Variants in LMO7 observed in about 807,000 individuals in gnomAD.
The protein encoded by LMO7 is LIM domain only protein 7.
Under a neutral mutation model 206.5 loss-of-function variants are expected in LMO7, and 120 were observed. That is an observed-to-expected ratio of 0.58 (90% CI 0.50 to 0.68). LMO7 has a LOEUF of 0.68. LMO7 is among the 30% of genes least tolerant of loss of function. LMO7 has a pLI of 0.00. For missense variants in LMO7, 1,959 were observed against 1,957.9 expected, an observed-to-expected ratio of 1.00 and a Z score of -0.01; for synonymous variants, 706 against 681.5, an observed-to-expected ratio of 1.04 and a Z score of -0.56.
intron 1 of LMO7, chr13:75,623,266 C>T (rs766342996): frequency 5.8e-6 from 8 of 1,368,500 alleles, no homozygotes; most frequent in Middle Eastern, 3.6e-4. Context: ...TGACTTTTTA[C>T]ACAGATATAA....
At chr13:75,636,211 G>A (rs1365712530), upstream of LMO7, 3 of 817,964 alleles carry the variant, frequency 3.7e-6, no homozygotes, top group East Asian at 1.3e-4. Context: ...GGGAGCCCGG[G>A]GAGCCAAGGG....
intron 4 of LMO7, among the ~76,000 whole-genome samples, chr13:75,786,017 G>A (rs907738687): frequency 6.6e-6 from 1 of 152,124 alleles, no homozygotes; most frequent in Admixed American, 6.5e-5. Flanking sequence ...GAAGTCACTA[G>A]TAATTTAGTA....
In LMO7 at chr13:75,841,645, C is replaced by A. The variant is rs762505045; in HGVS notation, c.3693C>A (p.Ser1231Arg). The A allele has an allele frequency of 6.2e-7, 1 of 1,612,404 alleles. No individual in the cohort carries two copies. The highest frequency in any genetic ancestry group is 1.1e-5 in the South Asian group (1 of 90,980). ...KYLDEELMVL[S>R]SNSMSLTTRE... ...TCACCTAGGAACTGATGGTCCTAAG[C>A]TCAAACAGCATGTCTCTGACCACAC... is the stretch of plus-strand genomic sequence containing the variant. The change falls in exon 24 of 31, where the codon AGC becomes AGA. Residue 1231 changes from serine (S) to arginine (R), a missense_variant. Transcript: ENST00000377534.
Position 75,720,302 on chromosome 13 carries a change from A to C in LMO7, c.141-6727A>C, listed in dbSNP as rs188338023. On this transcript the variant is annotated intron_variant, in intron 2 of 30. Coordinates refer to ENST00000377534, the MANE Select transcript of LMO7 (RefSeq NM_001306080.2). ...TGGCTTGTCTTTTTATTCCCTTGAC[A>C]GTGTCTTTCACAAAGCAGATATTTT... is the stretch of plus-strand genomic sequence containing the variant. Among the ~76,000 whole-genome samples the C allele has an allele frequency of 2.7e-3, 412 of 152,214 alleles. 3 individuals are homozygous for C. Among genetic ancestry groups the C allele is most frequent in the African/African-American group, 9.7e-3 (404 of 41,538 alleles).
At chr13:75,805,965 TA>T in intron 9 of LMO7, 1 of 1,132,002 alleles carries the variant, frequency 8.8e-7, no homozygotes, top group Non-Finnish European at 1.2e-6. Context: ...GTTCTATACA[TA>T]GTCATAGCAC....
chr13:75,738,113 G>T (rs1318231503), intron 3 of LMO7, among the ~76,000 whole-genome samples: 1 of 152,008 alleles, frequency 6.6e-6, no homozygotes, highest in Non-Finnish European at 1.5e-5. Flanking sequence ...AGGTTGACGT[G>T]GGTACTGTGA....
chr13:75,688,562 C>T (rs1162214320), intron 1 of LMO7: 2 of 152,318 alleles, frequency 1.3e-5, no homozygotes, highest in Non-Finnish European at 2.9e-5. Flanking sequence ...TATATATATC[C>T]CATGTTGTTT....
At position 75,796,754 on chromosome 13, in the gene LMO7, G is replaced by C. The variant is rs1428642313; in HGVS notation, c.462+5G>C. ...TTAGGACAAGCACTGACGAAGGTAA[G>C]TAAACTACATCTGTGTGAGATTACT... On this transcript the variant is annotated splice_donor_5th_base_variant and intron_variant, in intron 6 of 30. Coordinates refer to ENST00000377534, the MANE Select transcript of LMO7 (RefSeq NM_001306080.2). 1 of 1,512,996 alleles carries C rather than the reference G, an allele frequency of 6.6e-7. No individual in the cohort carries two copies. Among genetic ancestry groups the C allele is most frequent in the African/African-American group, 1.4e-5 (1 of 72,678 alleles). The allele number at this position is 1,512,996 out of a possible 1,614,324, so 93.7% of individuals were successfully genotyped here.
At position 75,681,718 on chromosome 13, in the gene LMO7, GTATA is replaced by G. The variant is rs71127572; in HGVS notation, c.70-31436_70-31433del. On this transcript the variant is annotated intron_variant, in intron 1 of 30. Transcript: ENST00000377534. ...TATGTATGTATGTGTATATATATAT[GTATA>G]TATATATATATATATATATATATAT... 5.8e-3 allele frequency among the ~76,000 whole-genome samples: 611 copies of G among 104,548 alleles called. 5 individuals are homozygous for G. The highest frequency in any genetic ancestry group is 0.018 in the African/African-American group (522 of 29,734). The allele number at this position is 104,548 out of a possible 152,430, so 68.6% of individuals were successfully genotyped here. A position where few individuals can be genotyped will look rare whatever the true frequency, so the allele number is the denominator to read the frequency against.
intron 1 of LMO7, among the ~76,000 whole-genome samples, chr13:75,641,111 A>C (rs2036488566): frequency 6.6e-6 from 1 of 152,230 alleles, no homozygotes; most frequent in South Asian, 2.1e-4. Context: ...GCAGATGTGC[A>C]GACAAACCCA....
At chr13:75,623,531 T>G (rs2033620220) in intron 2 of LMO7, among the ~76,000 whole-genome samples, 1 of 151,918 alleles carries the variant, frequency 6.6e-6, no homozygotes, top group Non-Finnish European at 1.5e-5. Flanking sequence ...ACCAGGCAAG[T>G]TTTTGTACTT....
In LMO7 at chr13:75,841,991, C is replaced by T. The variant is rs1230317382; in HGVS notation, c.4031+8C>T. On this transcript the variant is annotated splice_region_variant and intron_variant, in intron 24 of 30. Coordinates refer to ENST00000377534, the MANE Select transcript of LMO7 (RefSeq NM_001306080.2). ...AATATACCAGTACAGGAGGTATGTC[C>T]CCACAGCCAGAGGGTACAAAGGCTT... The T allele has an allele frequency of 9.4e-6, 15 of 1,596,452 alleles. No homozygotes were observed. The highest frequency in any genetic ancestry group is 1.3e-5 in the Non-Finnish European group (15 of 1,168,446).
Position 75,636,682 on chromosome 13 carries a change from G to A in LMO7, c.25G>A (p.Ala9Thr). The A allele has an allele frequency of 6.2e-7, 1 of 1,609,450 alleles. No individual in the cohort carries two copies. The highest frequency in any genetic ancestry group is 8.5e-7 in the Non-Finnish European group (1 of 1,178,612). Residue 9 changes from alanine (A) to threonine (T), a missense_variant, in exon 1 of 31, where the codon GCC becomes ACC. Transcript: ENST00000377534. ...CATGGAAGGGCTGGAGGAGGCAGAG[G>A]CCAACTGCTCCGTGGCGTTCGCTGA... is the stretch of plus-strand genomic sequence containing the variant. MEGLEEAE[A>T]NCSVAFAEAQ...
chr13:75,756,927 G>A (rs978252298), intron 3 of LMO7, among the ~76,000 whole-genome samples: 5 of 152,168 alleles, frequency 3.3e-5, no homozygotes, highest in African/African-American at 1.2e-4. Flanking sequence ...ACTGAGGTGG[G>A]TCCAGAGAGT....
chr13:75,735,723 C>T (rs1053000176), intron 3 of LMO7, among the ~76,000 whole-genome samples: 2 of 151,780 alleles, frequency 1.3e-5, no homozygotes, highest in African/African-American at 4.8e-5. Context: ...ATTTGCCCGC[C>T]TCGGCCTCCC....
At chr13:75,795,500 G>A in intron 5 of LMO7, 69 bp downstream of exon 5, 2 of 1,048,748 alleles carry the variant, frequency 1.9e-6, no homozygotes, top group Non-Finnish European at 2.9e-6. Context: ...AGAAGGCAGT[G>A]AATCTAAAAG....
At chr13:75,850,808 CTTTT>C (rs555828876) in intron 27 of LMO7, among the ~76,000 whole-genome samples, 1 of 145,400 alleles carries the variant, frequency 6.9e-6, no homozygotes, top group Admixed American at 6.9e-5. Context: ...GCCACACATT[CTTTT>C]TTTTTTTTAA....
Position 75,856,545 on chromosome 13 carries a change from G to A in LMO7, c.4810G>A (p.Gly1604Arg). 1 of 1,612,686 alleles carries A rather than the reference G, an allele frequency of 6.2e-7. No homozygotes were observed. Among genetic ancestry groups the A allele is most frequent in the Non-Finnish European group, 8.5e-7 (1 of 1,179,086 alleles). ...CECDLGGSSS[G>R]AEVRIRNHQL... Reference sequence around the variant, plus strand: ...GTGTGACCTCGGAGGCTCTTCCTCAGGAGCTGAAGTCAGGATCAGAAACCA... The same window carrying A: ...GTGTGACCTCGGAGGCTCTTCCTCAAGAGCTGAAGTCAGGATCAGAAACCA... Residue 1604 changes from glycine to arginine, a missense_variant, in exon 30 of 31, where the codon GGA becomes AGA. Physicochemically the swap from Gly to Arg is moderately radical, Grantham distance 125 (BLOSUM62 -2). Coordinates refer to ENST00000377534, the MANE Select transcript of LMO7 (RefSeq NM_001306080.2).
In LMO7 at chr13:75,858,019, T is replaced by G; in HGVS notation, c.*76T>G. The stretch of plus-strand genomic sequence containing the variant: ...CTGCTCATGTAGATCTATAAATATG[T>G]GTTGTATGTCTTTTTTGCTTTTTTT... On this transcript the variant is annotated 3_prime_UTR_variant, in exon 31 of 31. Coordinates refer to ENST00000377534, the MANE Select transcript of LMO7 (RefSeq NM_001306080.2). The G allele has an allele frequency of 1.3e-6, 2 of 1,559,434 alleles. No individual in the cohort carries two copies. The highest frequency in any genetic ancestry group is 2.4e-5 in the South Asian group (2 of 83,270).
Sources: gnomAD v4.1 joint callset for allele counts (sites outside exome capture counted in the v4.1 genomes callset) on GRCh38, gnomAD v4.1.1 for gene constraint, MANE v1.5 for transcripts, NCBI Gene and HGNC (gene_info 2026-07-23, HGNC 2026-07-21) for gene names.